MACROD2: variants seen among roughly 807,000 people sequenced by gnomAD.
MACROD2 encodes the protein mono-ADP ribosylhydrolase 2.
Under a neutral mutation model 70.4 loss-of-function variants are expected in MACROD2, and 36 were observed. That is an observed-to-expected ratio of 0.51 (90% confidence interval 0.39 to 0.68). MACROD2 has a LOEUF of 0.68. MACROD2 is among the 30% of genes least tolerant of loss of function. The probability of loss-of-function intolerance (pLI) is 0.00; values close to 1 mark genes in which losing one functional copy is unlikely to be tolerated. For missense variants in MACROD2, 496 were observed against 538.4 expected, an observed-to-expected ratio of 0.92 and a Z score of 0.78; for synonymous variants, 172 against 178.8, an observed-to-expected ratio of 0.96 and a Z score of 0.30.
chr20:15,014,898 TC>T (rs1371394710), intron 5 of MACROD2, among the ~76,000 whole-genome samples: 1 of 152,070 alleles, frequency 6.6e-6, no homozygotes, highest in Non-Finnish European at 1.5e-5. Context: ...TTTGATGCGA[TC>T]CCCCCTTATA....
chr20:14,066,082 T>A (rs1340868090), intron 2 of MACROD2, among the ~76,000 whole-genome samples: 1 of 152,202 alleles, frequency 6.6e-6, no homozygotes, highest in Non-Finnish European at 1.5e-5. Flanking sequence ...TTTGTTTCCT[T>A]GTTGTGTTTA....
chr20:14,408,109 C>T (rs1437572388), intron 3 of MACROD2, among the ~76,000 whole-genome samples: 1 of 152,064 alleles, frequency 6.6e-6, no homozygotes, highest in Non-Finnish European at 1.5e-5. Flanking sequence ...GATAGTGCCT[C>T]CTTTATAGGA....
At chr20:14,248,602 T>G (rs1180213472) in intron 3 of MACROD2, among the ~76,000 whole-genome samples, 1 of 151,822 alleles carries the variant, frequency 6.6e-6, no homozygotes, top group South Asian at 2.1e-4. Flanking sequence ...ATAATAATAA[T>G]AAATAAAATA....
chr20:14,117,004 T>C (rs1272762504), intron 3 of MACROD2, among the ~76,000 whole-genome samples: 2 of 150,540 alleles, frequency 1.3e-5, no homozygotes, highest in Admixed American at 6.6e-5. Context: ...GAGGCAGAGG[T>C]TGCAGTGAGC....
At chr20:14,939,007 C>G (rs1173575950) in intron 5 of MACROD2, among the ~76,000 whole-genome samples, 1 of 137,374 alleles carries the variant, frequency 7.3e-6, no homozygotes, top group African/African-American at 2.7e-5. Flanking sequence ...GTTATCAATC[C>G]CTTGTCAAAG....
chr20:14,970,913 A>G (rs1304361739), intron 5 of MACROD2, among the ~76,000 whole-genome samples: 1 of 152,172 alleles, frequency 6.6e-6, no homozygotes, highest in African/African-American at 2.4e-5. Context: ...CACCATGCTC[A>G]GCAAAAAAAC....
intron 2 of MACROD2, among the ~76,000 whole-genome samples, chr20:14,060,808 T>C (rs1301690962): frequency 6.6e-6 from 1 of 152,220 alleles, no homozygotes; most frequent in East Asian, 1.9e-4. Flanking sequence ...TTTCTGTATT[T>C]TGGCCAGCTG....
intron 3 of MACROD2, among the ~76,000 whole-genome samples, chr20:14,436,028 A>G (rs1383168704): frequency 6.6e-6 from 1 of 152,138 alleles, no homozygotes; most frequent in African/African-American, 2.4e-5. Flanking sequence ...TTAAACTTAT[A>G]ATTAAGTTTC....
chr20:14,807,179 T>C (rs2072649670), intron 5 of MACROD2, among the ~76,000 whole-genome samples: 1 of 152,092 alleles, frequency 6.6e-6, no homozygotes, highest in African/African-American at 2.4e-5. Context: ...GACAGACACC[T>C]CACACAGGAG....
intron 5 of MACROD2, among the ~76,000 whole-genome samples, chr20:15,228,338 G>A (rs750534222): frequency 2.6e-5 from 4 of 152,030 alleles, no homozygotes; most frequent in Non-Finnish European, 4.4e-5. Flanking sequence ...CATGAGATGA[G>A]CCCCTCTTAA....
At chr20:15,855,914 A>G (rs907920746) in intron 8 of MACROD2, among the ~76,000 whole-genome samples, 1 of 152,128 alleles carries the variant, frequency 6.6e-6, no homozygotes, top group African/African-American at 2.4e-5. Context: ...ATCGTAATTT[A>G]TCCATTCTAT....
chr20:14,624,505 A>C (rs987845501), intron 4 of MACROD2, among the ~76,000 whole-genome samples: 1 of 152,220 alleles, frequency 6.6e-6, no homozygotes, highest in Non-Finnish European at 1.5e-5. Flanking sequence ...AAAATGACAA[A>C]ACAGAACCAT....
chr20:15,174,945 T>C (rs1183019028), intron 5 of MACROD2, among the ~76,000 whole-genome samples: 1 of 151,940 alleles, frequency 6.6e-6, no homozygotes, highest in Non-Finnish European at 1.5e-5. Context: ...TTTTCTCCCA[T>C]TTTGTAGGTT....
At chr20:14,677,395 T>G (rs1364608961) in intron 4 of MACROD2, among the ~76,000 whole-genome samples, 1 of 152,216 alleles carries the variant, frequency 6.6e-6, no homozygotes, top group African/African-American at 2.4e-5. Flanking sequence ...TGGAATTCTT[T>G]AGGCTATAGT....
At chr20:15,445,691 A>G (rs2046555717) in intron 7 of MACROD2, among the ~76,000 whole-genome samples, 1 of 152,192 alleles carries the variant, frequency 6.6e-6, no homozygotes, top group South Asian at 2.1e-4. Flanking sequence ...GAAAGCTTGC[A>G]CAGTTTTTCA....
intron 4 of MACROD2, among the ~76,000 whole-genome samples, chr20:14,507,224 C>T (rs2084978442): frequency 6.6e-6 from 1 of 151,814 alleles, no homozygotes; most frequent in African/African-American, 2.4e-5. Flanking sequence ...TGAGTTTTGG[C>T]CATTATTTCT....
intron 8 of MACROD2, among the ~76,000 whole-genome samples, chr20:15,833,272 T>C (rs907707360): frequency 9.2e-5 from 14 of 152,184 alleles, no homozygotes; most frequent in Admixed American, 2.6e-4. Context: ...CGCACACTAA[T>C]TGGGAATTGT....
At chr20:15,562,522 G>A (rs1272941204) in intron 8 of MACROD2, among the ~76,000 whole-genome samples, 4 of 152,178 alleles carry the variant, frequency 2.6e-5, no homozygotes, top group Non-Finnish European at 5.9e-5. Context: ...GAAAGGGAAT[G>A]AATATTGGAA....
chr20:14,083,908 A>T (rs1310079784), intron 2 of MACROD2, among the ~76,000 whole-genome samples: 4 of 151,674 alleles, frequency 2.6e-5, no homozygotes, highest in Non-Finnish European at 5.9e-5. Context: ...AAAAATACAA[A>T]AAACTAGCCG....
Sources: gnomAD v4.1 joint callset for allele counts (sites outside exome capture counted in the v4.1 genomes callset) on GRCh38, gnomAD v4.1.1 for gene constraint, MANE v1.5 for transcripts, NCBI Gene and HGNC (gene_info 2026-07-23, HGNC 2026-07-21) for gene names.